The following ROR1 variants were observed in gnomAD, a reference collection of about 807,000 sequenced individuals.
ROR1 encodes inactive tyrosine-protein kinase transmembrane receptor ROR1.
In ROR1, 19 loss-of-function variants were observed where a neutral mutation model predicts 78.8. The observed-to-expected ratio is 0.24, with a 90% CI of 0.17 to 0.35. The LOEUF (loss-of-function observed/expected upper bound fraction) is 0.35. Among genes scored for constraint, ROR1 ranks in the 10% least tolerant of loss-of-function variants. The pLI is 1.00. For missense variants in ROR1, 917 were observed against 1,177.8 expected (o/e 0.78, Z 3.24); for synonymous variants, 386 against 433.6 (o/e 0.89, Z 1.36).
intron 1 of ROR1, among the ~76,000 whole-genome samples, chr1:63,857,250 T>G (rs2100339384): frequency 6.6e-6 from 1 of 152,288 alleles, no homozygotes; most frequent in East Asian, 1.9e-4. Context: ...CAGTTGTTGT[T>G]GATGGCTTGG....
chr1:64,008,227 G>C (rs1646445589), intron 1 of ROR1, among the ~76,000 whole-genome samples: 1 of 152,098 alleles, frequency 6.6e-6, no homozygotes, highest in Admixed American at 6.5e-5. Context: ...TTGGTTTTCT[G>C]CTTCTCTGTT....
chr1:64,083,536 T>TGTGTGTG (rs139973518), intron 4 of ROR1, among the ~76,000 whole-genome samples: 3 of 150,724 alleles, frequency 2.0e-5, no homozygotes, highest in South Asian at 4.2e-4. Context: ...AGTGTGTGTG[T>TGTGTGTG]TTTAGGAACA....
chr1:63,928,789 A>G (rs994002907), intron 1 of ROR1, among the ~76,000 whole-genome samples: 2 of 152,222 alleles, frequency 1.3e-5, no homozygotes, highest in Admixed American at 1.3e-4. Context: ...TAATACAAAT[A>G]AAGCTCTTAG....
intron 1 of ROR1, among the ~76,000 whole-genome samples, chr1:63,878,072 C>G (rs1331976099): frequency 6.6e-6 from 1 of 152,168 alleles, no homozygotes; most frequent in East Asian, 1.9e-4. Flanking sequence ...CACATGCCAT[C>G]TTTTTCTCCT....
chr1:63,922,009 T>C (rs915465150), intron 1 of ROR1, among the ~76,000 whole-genome samples: 8 of 152,210 alleles, frequency 5.3e-5, no homozygotes, highest in South Asian at 2.1e-4. Flanking sequence ...GGGCTTGTTA[T>C]GCTTCTCAGC....
At chr1:64,168,103 A>T (rs1489727841) in intron 8 of ROR1, among the ~76,000 whole-genome samples, 12 of 152,344 alleles carry the variant, frequency 7.9e-5, no homozygotes, top group Admixed American at 4.6e-4. Context: ...AATCTCACAG[A>T]ATTGTGATAA....
chr1:64,149,266 T>A (rs1432963306), intron 7 of ROR1, among the ~76,000 whole-genome samples: 1 of 152,224 alleles, frequency 6.6e-6, no homozygotes, highest in Non-Finnish European at 1.5e-5. Flanking sequence ...AATGTTGTTT[T>A]TACTGAAGCC....
chr1:64,159,079 A>G lies in ROR1; in HGVS notation c.1273A>G (p.Ile425Val). Residue 425 changes from isoleucine to valine, a missense_variant, in exon 8 of 9, where the codon ATT becomes GTT. This residue lies in a region of ROR1 where 835 missense variants were observed against 1,069.8 expected (regional missense o/e 0.78). Coordinates refer to ENST00000371079, the MANE Select transcript of ROR1 (RefSeq NM_005012.4). ...PLAIALLFFFICVCRNNQKSS... is the reference protein window; with the variant it reads ...PLAIALLFFFVCVCRNNQKSS... ...GGCCATTGCTTTACTCTTCTTCTTC[A>G]TTTGCGTCTGTCGGAATAACCAGAA... 1.9e-6 allele frequency: 3 copies of G among 1,614,128 alleles called. No individual in the cohort carries two copies. Among genetic ancestry groups the G allele is most frequent in the Non-Finnish European group, 2.5e-6 (3 of 1,180,012 alleles).
chr1:63,846,688 C>G (rs1645083746), intron 1 of ROR1, among the ~76,000 whole-genome samples: 1 of 152,198 alleles, frequency 6.6e-6, no homozygotes, highest in Non-Finnish European at 1.5e-5. Context: ...TCATCTGCAA[C>G]TGCGCGGCTT....
At chr1:64,035,588 T>G (rs932798252) in intron 2 of ROR1, among the ~76,000 whole-genome samples, 4 of 152,122 alleles carry the variant, frequency 2.6e-5, no homozygotes, top group African/African-American at 9.7e-5. Flanking sequence ...AATTTGCAAT[T>G]GGAACTCAGA....
chr1:64,158,850 C>CCTTTCTTCTCACAGTGGATTT, intron 7 of ROR1, 131 bp from the exon 8 acceptor site: 1 of 664,578 alleles, frequency 1.5e-6, no homozygotes, highest in South Asian at 1.9e-5. Flanking sequence ...GCAGTGGATT[C>CCTTTCTTCTCACAGTGGATTT]CTTTCTTCTC....
chr1:63,986,019 A>C (rs1646247745), intron 1 of ROR1, among the ~76,000 whole-genome samples: 1 of 152,172 alleles, frequency 6.6e-6, no homozygotes, highest in East Asian at 1.9e-4. Context: ...ACTGCCAGGC[A>C]CTGAGCAAAG....
chr1:63,834,939 C>T (rs951858138), intron 1 of ROR1, among the ~76,000 whole-genome samples: 1 of 152,108 alleles, frequency 6.6e-6, no homozygotes, highest in Non-Finnish European at 1.5e-5. Context: ...CTGTTCATGG[C>T]TGCAGGTGGC....
At chr1:63,904,970 G>T (rs896632970) in intron 1 of ROR1, among the ~76,000 whole-genome samples, 1 of 152,046 alleles carries the variant, frequency 6.6e-6, no homozygotes, top group South Asian at 2.1e-4. Context: ...TCGTGGGATC[G>T]CACACCCAGG....
chr1:64,147,310 T>C (rs1314206313), intron 7 of ROR1, among the ~76,000 whole-genome samples: 1 of 152,156 alleles, frequency 6.6e-6, no homozygotes, highest in Admixed American at 6.5e-5. Flanking sequence ...AGAGATGAAT[T>C]TAGATGAAAG....
chr1:63,920,380 G>C (rs1645644458), intron 1 of ROR1, among the ~76,000 whole-genome samples: 1 of 152,172 alleles, frequency 6.6e-6, no homozygotes. Context: ...CGTCTCATAG[G>C]TATGGTTTAA....
intron 4 of ROR1, among the ~76,000 whole-genome samples, chr1:64,126,098 G>A (rs543108596): frequency 2.0e-5 from 3 of 152,162 alleles, no homozygotes; most frequent in Non-Finnish European, 2.9e-5. Flanking sequence ...AGACTGAACC[G>A]AAACTGGAAG....
intron 1 of ROR1, chr1:63,775,520 C>T (rs1176167034): frequency 6.6e-6 from 1 of 152,160 alleles, no homozygotes; most frequent in African/African-American, 2.4e-5. Flanking sequence ...TCCCCCACTC[C>T]CAGCCCTAAA....
chr1:63,947,596 A>T (rs576883543), intron 1 of ROR1, among the ~76,000 whole-genome samples: 2 of 152,130 alleles, frequency 1.3e-5, no homozygotes, highest in Non-Finnish European at 2.9e-5. Context: ...ATCAACCAAG[A>T]GGGCTTACTG....
Sources: gnomAD v4.1 joint callset for allele counts (sites outside exome capture counted in the v4.1 genomes callset) on GRCh38, gnomAD v4.1.1 for gene constraint, gnomAD v4.1.1 regional missense constraint, MANE v1.5 for transcripts, NCBI Gene and HGNC (gene_info 2026-07-23, HGNC 2026-07-21) for gene names.